The following ADGRA1 variants were observed in gnomAD, a reference collection of about 807,000 sequenced individuals.
ADGRA1 encodes adhesion G protein-coupled receptor A1, also known as G-protein coupled receptor 123.
ADGRA1 carries 12 observed loss-of-function variants against 21.3 expected under a neutral mutation model. That is an observed-to-expected ratio of 0.56 (90% CI 0.36 to 0.91). ADGRA1 has a LOEUF of 0.91. Ranked by LOEUF, ADGRA1 falls within the 40% of genes least tolerant of loss-of-function variation. The pLI is 0.01. For synonymous variants in ADGRA1, 385 were observed against 368.8 expected (o/e 1.04, Z -0.50); for missense variants, 790 against 805.6 (o/e 0.98, Z 0.23).
chr10:133,105,143 C>A (rs148264303), intron 5 of ADGRA1, among the ~76,000 whole-genome samples: 61 of 152,346 alleles, frequency 4.0e-4, no homozygotes, highest in Admixed American at 1.2e-3. Context: ...AAGAATCTTG[C>A]GGTCTGGGAG....
At chr10:133,091,422 T>C (rs1851594335) in intron 2 of ADGRA1, among the ~76,000 whole-genome samples, 1 of 152,234 alleles carries the variant, frequency 6.6e-6, no homozygotes, top group Admixed American at 6.5e-5. Context: ...TCTGGCCCTC[T>C]GTGGCTACTT....
intron 5 of ADGRA1, among the ~76,000 whole-genome samples, chr10:133,111,090 ATGGG>A (rs1851982826): frequency 6.6e-6 from 1 of 151,356 alleles, no homozygotes; most frequent in East Asian, 2.0e-4. Context: ...CCTGCCTGCC[ATGGG>A]CAGCTCCCCT....
intron 6 of ADGRA1, among the ~76,000 whole-genome samples, 167 bp downstream of exon 6, chr10:133,127,498 A>T (rs1852399213): frequency 6.6e-6 from 1 of 151,740 alleles, no homozygotes; most frequent in African/African-American, 2.4e-5. Context: ...ACCCCCGAGG[A>T]GTGCGCAGCG....
intron 5 of ADGRA1, among the ~76,000 whole-genome samples, chr10:133,114,210 G>T (rs1364985078): frequency 1.3e-5 from 2 of 152,200 alleles, no homozygotes; most frequent in Non-Finnish European, 1.5e-5. Context: ...AGCTTCAAGG[G>T]CAGAGCGGGA....
At chr10:133,106,364 G>A (rs972462401) in intron 5 of ADGRA1, among the ~76,000 whole-genome samples, 7 of 152,190 alleles carry the variant, frequency 4.6e-5, no homozygotes, top group Non-Finnish European at 1.0e-4. Context: ...TGAGTCACAC[G>A]CAGGCTCCAG....
chr10:133,121,597 C>A (rs576244158), intron 5 of ADGRA1, among the ~76,000 whole-genome samples: 1 of 98,532 alleles, frequency 1.0e-5, no homozygotes, highest in Non-Finnish European at 2.0e-5. Flanking sequence ...TGTGCCTGTG[C>A]GTTTGTGCAT....
At chr10:133,090,960 C>A (rs757255278) in intron 2 of ADGRA1, among the ~76,000 whole-genome samples, 99 of 152,352 alleles carry the variant, frequency 6.5e-4, no homozygotes, top group Non-Finnish European at 1.1e-3. Flanking sequence ...CTCTGGAGGA[C>A]CTGCAGGCCA....
intron 5 of ADGRA1, among the ~76,000 whole-genome samples, chr10:133,121,399 AGTGTGCGT>A (rs1334415031): frequency 8.0e-5 from 12 of 150,696 alleles, no homozygotes; most frequent in South Asian, 6.4e-4. Context: ...GGTGTGTGTC[AGTGTGCGT>A]GTGTGCATGT....
chr10:133,128,551 C>T lies in ADGRA1; in HGVS notation c.723C>T (p.Pro241=), dbSNP rs34812416. Residue 241 remains proline (P), a synonymous_variant, in exon 7 of 7, where the codon CCC becomes CCT. Coordinates refer to ENST00000392607, the MANE Select transcript of ADGRA1 (RefSeq NM_001083909.3). ...RPGTPPAHDA[P]GASVLQNEHS... is the part of the protein sequence containing the mutation. ...GCACCCCACCCGCACACGATGCCCC[C>T]GGCGCCTCCGTGCTGCAGAACGAGC... 2.2e-5 allele frequency: 34 copies of T among 1,554,406 alleles called. No individual in the cohort carries two copies. Among genetic ancestry groups the T allele is most frequent in the Admixed American group, 9.5e-5 (5 of 52,642 alleles).
chr10:133,099,370 G>A (rs564924313), intron 4 of ADGRA1, among the ~76,000 whole-genome samples: 7 of 152,170 alleles, frequency 4.6e-5, no homozygotes, highest in South Asian at 4.1e-4. Flanking sequence ...AGATGCTGCC[G>A]CCTGAGTCAC....
chr10:133,089,085 G>C, intron 2 of ADGRA1, 173 bp downstream of exon 2: 1 of 1,183,636 alleles, frequency 8.4e-7, no homozygotes, highest in Non-Finnish European at 1.1e-6. Context: ...CCGGGGACAG[G>C]CCGCGTGTCT....
chr10:133,092,723 C>T (rs1235066309), intron 2 of ADGRA1, among the ~76,000 whole-genome samples: 2 of 134,282 alleles, frequency 1.5e-5, no homozygotes, highest in Non-Finnish European at 3.1e-5. Flanking sequence ...GGAAGAAGCA[C>T]CTGAATGAAG....
chr10:133,100,679 C>T (rs1040123884), intron 4 of ADGRA1, among the ~76,000 whole-genome samples: 1 of 152,256 alleles, frequency 6.6e-6, no homozygotes, highest in Non-Finnish European at 1.5e-5. Flanking sequence ...CTGTCCTGAT[C>T]TCCCAGGGAG....
intron 5 of ADGRA1, among the ~76,000 whole-genome samples, chr10:133,104,777 C>A (rs1311186397): frequency 2.6e-5 from 4 of 152,194 alleles, no homozygotes; most frequent in Non-Finnish European, 5.9e-5. Context: ...CTGTGCACCC[C>A]TGAGGCAGGT....
At chr10:133,105,826 G>A (rs947844823) in intron 5 of ADGRA1, among the ~76,000 whole-genome samples, 23 of 152,238 alleles carry the variant, frequency 1.5e-4, no homozygotes, top group African/African-American at 5.3e-4. Flanking sequence ...GCAGCGAGAA[G>A]CCAGCAGCCT....
At chr10:133,115,379 A>G (rs1053371331) in intron 5 of ADGRA1, among the ~76,000 whole-genome samples, 1 of 152,170 alleles carries the variant, frequency 6.6e-6, no homozygotes, top group Non-Finnish European at 1.5e-5. Context: ...CCCAGAGTAA[A>G]GGGAAACCGA....
At chr10:133,097,166 A>T in intron 3 of ADGRA1, 65 bp downstream of exon 3, 1 of 1,575,460 alleles carries the variant, frequency 6.3e-7, no homozygotes, top group Non-Finnish European at 8.6e-7. Flanking sequence ...TTCAAAGGCA[A>T]GTCCCTGAAG....
intron 2 of ADGRA1, among the ~76,000 whole-genome samples, chr10:133,096,503 C>T (rs932889447): frequency 6.6e-6 from 1 of 152,226 alleles, no homozygotes; most frequent in Non-Finnish European, 1.5e-5. Flanking sequence ...CGTACAGAAT[C>T]CTCCCGGAAG....
chr10:133,092,790 GA>G (rs1234491609), intron 2 of ADGRA1, among the ~76,000 whole-genome samples: 1 of 138,992 alleles, frequency 7.2e-6, no homozygotes, highest in African/African-American at 2.7e-5. Flanking sequence ...AGGAAGGAAG[GA>G]AGGAAGAGAG....
Sources: gnomAD v4.1 joint callset for allele counts (sites outside exome capture counted in the v4.1 genomes callset) on GRCh38, gnomAD v4.1.1 for gene constraint, MANE v1.5 for transcripts, NCBI Gene and HGNC (gene_info 2026-07-23, HGNC 2026-07-21) for gene names.